The following AP2A2 variants were observed in gnomAD, a reference collection of about 807,000 sequenced individuals.
AP2A2 encodes AP-2 complex subunit alpha-2.
In AP2A2, 32 loss-of-function variants were observed where a neutral mutation model predicts 104.2. The ratio of observed to expected loss-of-function variants is 0.31; its 90% CI spans 0.23 to 0.41. The LOEUF (loss-of-function observed/expected upper bound fraction) is 0.41, where lower values mean the gene tolerates loss of function less well. Ranked by LOEUF, AP2A2 falls within the 10% of genes least tolerant of loss-of-function variation. The pLI is 1.00. For missense variants in AP2A2, 912 were observed against 1,261.0 expected, an observed-to-expected ratio of 0.72 and a Z score of 4.19; for synonymous variants, 539 against 533.3, an observed-to-expected ratio of 1.01 and a Z score of -0.15.
At chr11:976,911 G>A (rs1016342974) in intron 4 of AP2A2, among the ~76,000 whole-genome samples, 184 bp from the exon 5 acceptor site, 1 of 152,200 alleles carries the variant, frequency 6.6e-6, no homozygotes, top group Non-Finnish European at 1.5e-5. Context: ...TTTGGAGCAG[G>A]GCCCATGTAT....
rs1441314435 is a variant in AP2A2 at position 986,709 on chromosome 11, CG to C, written c.963-72del. The stretch of plus-strand genomic sequence containing the variant: ...TTTGCTGTCTGCCATCTGGACCCGT[CG>C]GGGAACGCAGACTCTGTCCAGTTTG... On this transcript the variant is annotated intron_variant, in intron 8 of 21. Coordinates refer to ENST00000448903, the MANE Select transcript of AP2A2 (RefSeq NM_012305.4). 4 of 1,520,884 alleles carry C rather than the reference CG, an allele frequency of 2.6e-6. No individual in the cohort carries two copies. In the Admixed American group the frequency reaches 5.5e-5, roughly 21 times the overall value. The allele number at this position is 1,520,884 out of a possible 1,614,324, so 94.2% of individuals were successfully genotyped here.
chr11:986,772 T>G lies in AP2A2; in HGVS notation c.963-13T>G. ...CTGAGGAAACCCCACCCACTTCCCC[T>G]CCCTCCACACAGTGAGCCGAACCTG... On this transcript the variant is annotated splice_polypyrimidine_tract_variant and intron_variant, in intron 8 of 21. Coordinates refer to ENST00000448903, the MANE Select transcript of AP2A2 (RefSeq NM_012305.4). The G allele has an allele frequency of 6.2e-7, 1 of 1,610,714 alleles. No homozygotes were observed. Among genetic ancestry groups the G allele is most frequent in the Non-Finnish European group, 8.5e-7 (1 of 1,178,514 alleles).
Position 1,010,711 on chromosome 11 carries a change from C to CAGA in AP2A2, c.*86_*87insAGA. 8.8e-7 allele frequency: 1 copy of CAGA among 1,131,466 alleles called. No individual in the cohort carries two copies. The highest frequency in any genetic ancestry group is 1.3e-6 in the Non-Finnish European group (1 of 766,182). 70.1% of individuals were successfully genotyped at this position (1,131,466 alleles called of 1,614,324 possible). On this transcript the variant is annotated 3_prime_UTR_variant, in exon 22 of 22. Transcript: ENST00000448903. Reference sequence around the variant, plus strand: ...TTCGTGGCCATCCTGCAGATGAGCACCGTGTCCAGTGCCACAGCACAAGGC... The same window carrying CAGA: ...TTCGTGGCCATCCTGCAGATGAGCACAGACGTGTCCAGTGCCACAGCACAAGGC...
chr11:953,548 C>CG (rs1854122399), intron 1 of AP2A2, among the ~76,000 whole-genome samples: 1 of 111,288 alleles, frequency 9.0e-6, no homozygotes, highest in Non-Finnish European at 2.2e-5. Context: ...CGTAAGAGCC[C>CG]CCCCCCCCCA....
chr11:953,030 G>A (rs908072867), intron 1 of AP2A2, among the ~76,000 whole-genome samples: 32 of 152,202 alleles, frequency 2.1e-4, no homozygotes, highest in Admixed American at 1.3e-4. Flanking sequence ...ATGACTGCAG[G>A]GGTGCTGCGT....
chr11:1,010,994 C>G lies in AP2A2; in HGVS notation c.*369C>G, dbSNP rs755348730. On this transcript the variant is annotated 3_prime_UTR_variant, in exon 22 of 22. Coordinates refer to ENST00000448903, the MANE Select transcript of AP2A2 (RefSeq NM_012305.4). ...GCTGCCGCCCACCCCGCCTCGGAGC[C>G]TCTGGGAGCAGCAGTGCCACTGTGC... The G allele has an allele frequency of 1.0e-5, 7 of 702,418 alleles. No homozygotes were observed. Among genetic ancestry groups the G allele is most frequent in the Non-Finnish European group, 1.8e-5 (7 of 379,048 alleles). The allele number at this position is 702,418 out of a possible 1,614,324, so 43.5% of individuals were successfully genotyped here.
chr11:948,129 C>A (rs1201531845), intron 1 of AP2A2, among the ~76,000 whole-genome samples: 1 of 152,004 alleles, frequency 6.6e-6, no homozygotes, highest in Non-Finnish European at 1.5e-5. Flanking sequence ...ACGAACAAAA[C>A]CTAAAACAAG....
intron 14 of AP2A2, among the ~76,000 whole-genome samples, chr11:998,438 TGTA>T (rs1855927404): frequency 6.7e-6 from 1 of 150,368 alleles, no homozygotes; most frequent in African/African-American, 2.4e-5. Flanking sequence ...AACCCACACA[TGTA>T]GTTTTTTTGA....
At chr11:985,703 GC>G (rs1335729812) in intron 8 of AP2A2, 121 bp downstream of exon 8, 52 of 1,380,442 alleles carry the variant, frequency 3.8e-5, no homozygotes, top group Non-Finnish European at 5.1e-5. Flanking sequence ...CCTTCGTCCT[GC>G]CTCTGTGCTC....
rs1054281991 is a variant in AP2A2 at position 968,045 on chromosome 11, C to T, written c.137-2124C>T. On this transcript the variant is annotated intron_variant, in intron 2 of 21. Coordinates refer to ENST00000448903, the MANE Select transcript of AP2A2 (RefSeq NM_012305.4). This position sits in a 1 kb window ranked among gnomAD's most constrained non-coding sequence, Gnocchi z 4.2. ...CCAGGGGAGCTGGCGGGCTCACCTG[C>T]CACCTGCCCCACCGAGATGGGTGAG... 6.6e-6 allele frequency among the ~76,000 whole-genome samples: 1 copy of T among 150,822 alleles called. No individual in the cohort carries two copies. Among genetic ancestry groups the T allele is most frequent in the Non-Finnish European group, 1.5e-5 (1 of 67,518 alleles).
chr11:950,479 T>C (rs1854015488), intron 1 of AP2A2, among the ~76,000 whole-genome samples: 1 of 152,100 alleles, frequency 6.6e-6, no homozygotes, highest in Non-Finnish European at 1.5e-5. Context: ...CAGCTAATTT[T>C]TGTGTTTTTT....
rs75925707 is a variant in AP2A2 at position 956,509 on chromosome 11, A to G, written c.68-2928A>G. ...GTACACAAAGTTGTTTTTGCACACA[A>G]CTCACCTTACCCTGTGTGATGAATA... On this transcript the variant is annotated intron_variant, in intron 1 of 21. Transcript: ENST00000448903. Among the ~76,000 whole-genome samples, 293 of 152,260 alleles carry G rather than the reference A, an allele frequency of 1.9e-3. 8 individuals carry two copies. In the East Asian group the frequency reaches 0.05, roughly 26 times the overall value.
At chr11:999,278 G>A (rs546926213) in intron 14 of AP2A2, among the ~76,000 whole-genome samples, 4 of 152,284 alleles carry the variant, frequency 2.6e-5, no homozygotes, top group South Asian at 2.1e-4. Context: ...ATGGGAGGCC[G>A]AGGTGAACGT....
rs766117962 is a variant in AP2A2, at chr11:977,230, C to A, written c.603+6C>A. The A allele has an allele frequency of 1.3e-6, 2 of 1,585,818 alleles. No homozygotes were observed. The highest frequency in any genetic ancestry group is 4.6e-5 in the East Asian group (2 of 43,882). ...TGCTCAATGACCAGCACTTGGTAAG[C>A]ACCCTTGGCTTTGGTTCTCCCCGCT... is the stretch of plus-strand genomic sequence containing the variant. On this transcript the variant is annotated splice_donor_region_variant and intron_variant, in intron 5 of 21. Transcript: ENST00000448903.
In AP2A2 at chr11:926,809, G is replaced by C. The variant is rs7479171; in HGVS notation, c.67+721G>C. On this transcript the variant is annotated intron_variant, in intron 1 of 21. Transcript: ENST00000448903. ...AATCACAGACCTCGTTCTCAGCCCC[G>C]TGCCTGTCCCCTCGGGGTGGGAAAA... Among the ~76,000 whole-genome samples the C allele has an allele frequency of 3.3e-5, 5 of 152,058 alleles. No individual in the cohort carries two copies. The East Asian group carries it at 9.7e-4, about 30-fold the overall frequency.
intron 4 of AP2A2, among the ~76,000 whole-genome samples, chr11:974,954 C>T (rs1250493166): frequency 2.6e-5 from 4 of 152,168 alleles, no homozygotes; most frequent in African/African-American, 7.2e-5. Flanking sequence ...CACTGTACTC[C>T]AGCCTGGCGA....
intron 1 of AP2A2, among the ~76,000 whole-genome samples, chr11:952,367 C>G (rs998968763): frequency 6.6e-6 from 1 of 152,180 alleles, no homozygotes; most frequent in Non-Finnish European, 1.5e-5. Flanking sequence ...AATCATTAAC[C>G]AGCATGCTGT....
chr11:988,715 T>C (rs770589109), intron 10 of AP2A2, 26 bp downstream of exon 10: 1 of 1,611,850 alleles, frequency 6.2e-7, no homozygotes, highest in South Asian at 1.1e-5. Context: ...CTCTGAGTCC[T>C]CTCCTGCCAC....
At chr11:1,010,460 G>A (rs1856388082) in intron 21 of AP2A2, 88 bp from the exon 22 acceptor site, 1 of 1,088,670 alleles carries the variant, frequency 9.2e-7, no homozygotes, top group Non-Finnish European at 1.3e-6. Context: ...CCTGGGCATG[G>A]CCCACAGGGT....
Sources: gnomAD v4.1 joint callset for allele counts (sites outside exome capture counted in the v4.1 genomes callset) on GRCh38, gnomAD v4.1.1 for gene constraint, Gnocchi (gnomAD v3.1) non-coding constraint, MANE v1.5 for transcripts, NCBI Gene and HGNC (gene_info 2026-07-23, HGNC 2026-07-21) for gene names.